EYS: variants seen among roughly 807,000 people sequenced by gnomAD.
EYS encodes protein eyes shut homolog.
In EYS, 250 loss-of-function variants were observed where a neutral mutation model predicts 282.1. The ratio of observed to expected loss-of-function variants is 0.89; its 90% CI spans 0.80 to 0.98. The LOEUF (loss-of-function observed/expected upper bound fraction) is 0.98. Ranked by LOEUF, EYS falls within the 50% of genes least tolerant of loss-of-function variation. EYS has a pLI of 0.00. For missense variants in EYS, 4,016 were observed against 3,709.0 expected, an observed-to-expected ratio of 1.08 and a Z score of -2.15; for synonymous variants, 1,355 against 1,282.9, an observed-to-expected ratio of 1.06 and a Z score of -1.20.
intron 26 of EYS, among the ~76,000 whole-genome samples, chr6:64,470,188 C>T (rs1257624941): frequency 6.6e-6 from 1 of 152,164 alleles, no homozygotes; most frequent in Non-Finnish European, 1.5e-5. Flanking sequence ...TGTCTTTTCT[C>T]TCTTTGTCTT....
intron 2 of EYS, among the ~76,000 whole-genome samples, chr6:65,590,309 C>T (rs141959050): frequency 1.1e-3 from 171 of 152,108 alleles, no homozygotes; most frequent in Middle Eastern, 3.4e-3. Context: ...GCCTACAATA[C>T]ACATAGACAT....
chr6:64,904,449 G>A (rs953129031), intron 16 of EYS, among the ~76,000 whole-genome samples: 36 of 152,014 alleles, frequency 2.4e-4, no homozygotes, highest in Admixed American at 2.6e-4. Flanking sequence ...TTCTTCAATC[G>A]CCATTGCTGT....
At chr6:65,127,616 T>C (rs1045061890) in intron 12 of EYS, among the ~76,000 whole-genome samples, 3 of 152,130 alleles carry the variant, frequency 2.0e-5, no homozygotes, top group African/African-American at 7.2e-5. Flanking sequence ...AGCCTATGTA[T>C]CTAATAATAA....
At chr6:64,863,242 A>G (rs1009331107) in intron 19 of EYS, among the ~76,000 whole-genome samples, 3 of 152,168 alleles carry the variant, frequency 2.0e-5, no homozygotes, top group African/African-American at 7.2e-5. Flanking sequence ...TAGTTTTAGA[A>G]AGCATATTAT....
chr6:63,830,426 C>G (rs1006803301), intron 36 of EYS, among the ~76,000 whole-genome samples: 23 of 152,160 alleles, frequency 1.5e-4, no homozygotes, highest in Admixed American at 1.3e-4. Context: ...GATGCATGCA[C>G]AAGCCTCAGT....
chr6:63,760,672 C>T lies in EYS; in HGVS notation c.8071+1789G>A, dbSNP rs149282245. ...TATATCTATCTATCTATCTATCTATCTATCTATCTATCTATCTATCTATCT... is the reference window on the plus strand; with the variant it reads ...TATATCTATCTATCTATCTATCTATTTATCTATCTATCTATCTATCTATCT... On this transcript the variant is annotated intron_variant, in intron 41 of 42. Transcript: ENST00000503581. 6.5e-3 allele frequency among the ~76,000 whole-genome samples: 973 copies of T among 149,490 alleles called. 8 individuals are homozygous for T. Among genetic ancestry groups the T allele is most frequent in the African/African-American group, 0.024 (936 of 39,610 alleles).
rs551088652 is a variant in EYS at position 64,926,550 on chromosome 6, G to A, written c.2382-13807C>T. Among the ~76,000 whole-genome samples, 25 of 152,300 alleles carry A rather than the reference G, an allele frequency of 1.6e-4. No individual in the cohort carries two copies. The South Asian group carries it at 5.0e-3, about 30-fold the overall frequency. On this transcript the variant is annotated intron_variant, in intron 15 of 42. Transcript: ENST00000503581. ...GCTTCCCAGTGGGAATGTGCATCAT[G>A]GAGGCAATCACTCTCTATCTCATGC...
At chr6:65,131,035 TA>T (rs1775860582) in intron 12 of EYS, among the ~76,000 whole-genome samples, 2 of 151,490 alleles carry the variant, frequency 1.3e-5, no homozygotes, top group Non-Finnish European at 3.0e-5. Flanking sequence ...TATATACATA[TA>T]AACTTTATAA....
At chr6:64,217,490 C>A (rs1366251418) in intron 31 of EYS, among the ~76,000 whole-genome samples, 1 of 152,098 alleles carries the variant, frequency 6.6e-6, no homozygotes, top group Non-Finnish European at 1.5e-5. Flanking sequence ...GATCAGGCCC[C>A]TGCACTGCAG....
chr6:64,396,106 A>C (rs867662232), intron 28 of EYS, among the ~76,000 whole-genome samples: 1 of 152,032 alleles, frequency 6.6e-6, no homozygotes, highest in South Asian at 2.1e-4. Flanking sequence ...TCTCTCTCAC[A>C]ACTCTTCTAT....
intron 35 of EYS, among the ~76,000 whole-genome samples, chr6:63,874,369 C>T (rs1017822507): frequency 6.6e-6 from 1 of 152,162 alleles, no homozygotes; most frequent in Non-Finnish European, 1.5e-5. Context: ...TGTTTTGGTA[C>T]CAGTACCATG....
chr6:65,603,471 T>C (rs1031637721), intron 2 of EYS, among the ~76,000 whole-genome samples: 4 of 151,984 alleles, frequency 2.6e-5, no homozygotes, highest in African/African-American at 9.7e-5. Flanking sequence ...CTTACATTTT[T>C]TCTGAAGAAA....
intron 31 of EYS, among the ~76,000 whole-genome samples, chr6:64,118,888 A>G (rs1456992751): frequency 6.6e-6 from 1 of 152,158 alleles, no homozygotes; most frequent in Non-Finnish European, 1.5e-5. Context: ...AAATGGGCAA[A>G]TGATCTGAAT....
intron 31 of EYS, among the ~76,000 whole-genome samples, chr6:64,193,755 G>A (rs758019651): frequency 6.6e-6 from 1 of 152,012 alleles, no homozygotes; most frequent in Non-Finnish European, 1.5e-5. Flanking sequence ...GTGGTGTCTG[G>A]TTTTCTGTCC....
intron 35 of EYS, among the ~76,000 whole-genome samples, chr6:63,926,558 A>C (rs1764721373): frequency 6.6e-6 from 1 of 152,200 alleles, no homozygotes; most frequent in Non-Finnish European, 1.5e-5. Flanking sequence ...CCGAAGGTGA[A>C]GGGAGAAAGA....
At chr6:65,313,099 C>T (rs188731152) in intron 11 of EYS, among the ~76,000 whole-genome samples, 12 of 152,242 alleles carry the variant, frequency 7.9e-5, no homozygotes, top group Admixed American at 7.8e-4. Context: ...CATCTTGAAC[C>T]CTACAAGTCT....
chr6:63,741,717 T>G (rs1336763932), intron 41 of EYS, among the ~76,000 whole-genome samples: 1 of 152,160 alleles, frequency 6.6e-6, no homozygotes. Context: ...CTGTTGTCAT[T>G]TTCAGGTTTC....
intron 22 of EYS, among the ~76,000 whole-genome samples, chr6:64,757,429 A>AT (rs150124389): frequency 0.017 from 2,477 of 149,946 alleles, 47 homozygotes; most frequent in African/African-American, 0.047. Context: ...AAAGACATGC[A>AT]TTTTTTTTTT....
chr6:64,249,137 T>C (rs987081272), intron 30 of EYS, among the ~76,000 whole-genome samples: 3 of 147,040 alleles, frequency 2.0e-5, no homozygotes, highest in Non-Finnish European at 4.5e-5. Context: ...ATCAAAAATA[T>C]AGAATCAACA....
Sources: gnomAD v4.1 joint callset for allele counts (sites outside exome capture counted in the v4.1 genomes callset) on GRCh38, gnomAD v4.1.1 for gene constraint, MANE v1.5 for transcripts, NCBI Gene and HGNC (gene_info 2026-07-23, HGNC 2026-07-21) for gene names.